The following PUM1 variants were observed in gnomAD, a reference collection of about 807,000 sequenced individuals.
PUM1 encodes the protein pumilio homolog 1.
In PUM1, 13 loss-of-function variants were observed where a neutral mutation model predicts 131.8. The observed-to-expected ratio is 0.10, with a 90% confidence interval of 0.06 to 0.16. The LOEUF (loss-of-function observed/expected upper bound fraction) is 0.16. PUM1 is among the 10% of genes least tolerant of loss of function. PUM1 has a pLI of 1.00. For missense variants in PUM1, 961 were observed against 1,512.4 expected (o/e 0.64, Z 6.05); for synonymous variants, 509 against 556.5 (o/e 0.91, Z 1.20).
chr1:31,042,452 T>C (rs1227053267), intron 2 of PUM1, among the ~76,000 whole-genome samples: 2 of 152,170 alleles, frequency 1.3e-5, no homozygotes, highest in Non-Finnish European at 2.9e-5. Context: ...AGATAACTAA[T>C]GCAAAGGACA....
rs1259744782 is a variant in PUM1 at position 30,978,637 on chromosome 1, G to A, written c.1354+1425C>T. Among the ~76,000 whole-genome samples, 3 of 152,316 alleles carry A rather than the reference G, an allele frequency of 2.0e-5. No homozygotes were observed. In the East Asian group the frequency reaches 5.8e-4, roughly 29 times the overall value. ...TAGTCATGATGAACTTGACTTGGAGGGATCTTCCCCCAGTGAATATCTAAA... is the reference window on the plus strand; with the variant it reads ...TAGTCATGATGAACTTGACTTGGAGAGATCTTCCCCCAGTGAATATCTAAA... On this transcript the variant is annotated intron_variant, in intron 9 of 21. Transcript: ENST00000426105.
rs559364177 is a variant in PUM1, at chr1:31,041,414, T to TG, written c.364-12551dup. Among the ~76,000 whole-genome samples the TG allele has an allele frequency of 2.4e-4, 33 of 134,706 alleles. No homozygotes were observed. In the South Asian group the frequency reaches 8.1e-3, roughly 33 times the overall value. 88.4% of individuals were successfully genotyped at this position (134,706 alleles called of 152,430 possible). On this transcript the variant is annotated intron_variant, in intron 2 of 21. Coordinates refer to ENST00000426105, the MANE Select transcript of PUM1 (RefSeq NM_001020658.2). ...TTTTTTTTAAAGAAAAGCTATCCTC[T>TG]GGGGGGCGGGGGGTGTGGGGAAAGG...
At chr1:31,001,753 C>T (rs532232791) in intron 5 of PUM1, among the ~76,000 whole-genome samples, 114 of 152,348 alleles carry the variant, frequency 7.5e-4, no homozygotes, top group African/African-American at 2.6e-3. Flanking sequence ...CACCAGCCCT[C>T]CCCACCAAGG....
chr1:31,005,764 C>G (rs948723467), intron 5 of PUM1, 89 bp downstream of exon 5: 2 of 1,271,876 alleles, frequency 1.6e-6, no homozygotes, highest in Non-Finnish European at 2.2e-6. Context: ...GGAAACTAAA[C>G]AGGCATGTTT....
intron 1 of PUM1, among the ~76,000 whole-genome samples, chr1:31,060,157 T>G (rs2124013139): frequency 6.8e-6 from 1 of 147,602 alleles, no homozygotes; most frequent in South Asian, 2.3e-4. Flanking sequence ...CCCAAAAGCC[T>G]TTTTAAAACT....
At chr1:31,031,863 C>G (rs1643442656) in intron 2 of PUM1, among the ~76,000 whole-genome samples, 1 of 132,380 alleles carries the variant, frequency 7.6e-6, no homozygotes, top group East Asian at 2.2e-4. Context: ...TATGCGCACT[C>G]TCGCTCCCTG....
In PUM1 at chr1:30,937,708, G is replaced by A. The variant is rs535040987; in HGVS notation, c.3243-873C>T. 2.0e-5 allele frequency among the ~76,000 whole-genome samples: 3 copies of A among 152,222 alleles called. No individual in the cohort carries two copies. In the East Asian group the frequency reaches 5.8e-4, roughly 29 times the overall value. On this transcript the variant is annotated intron_variant, in intron 20 of 21. Transcript: ENST00000426105. The stretch of plus-strand genomic sequence containing the variant: ...AGATGACAGAAGAGTCAATGAACTT[G>A]AAAATAGATCAATAGAAGTAAACAA...
chr1:31,010,442 C>CA, intron 3 of PUM1, among the ~76,000 whole-genome samples: 1 of 152,116 alleles, frequency 6.6e-6, no homozygotes, highest in South Asian at 2.1e-4. Flanking sequence ...CTTGCTTGTC[C>CA]TCTTCTATCT....
Position 31,005,836 on chromosome 1 carries a change from T to C in PUM1, c.720+17A>G. 1 of 1,564,246 alleles carries C rather than the reference T, an allele frequency of 6.4e-7. No individual in the cohort carries two copies. The highest frequency in any genetic ancestry group is 8.6e-7 in the Non-Finnish European group (1 of 1,156,804). ...GAGAGAGAGAGAGATAGGAACAAGT[T>C]CCTCAAGCCAACTTACAAATCCTCC... On this transcript the variant is annotated intron_variant, in intron 5 of 21. Transcript: ENST00000426105.
chr1:30,958,356 T>C (rs540821641), intron 14 of PUM1, among the ~76,000 whole-genome samples: 24 of 152,360 alleles, frequency 1.6e-4, no homozygotes, highest in Non-Finnish European at 3.2e-4. Context: ...TTATGAACTT[T>C]TGAGCTCATT....
intron 7 of PUM1, among the ~76,000 whole-genome samples, chr1:30,989,070 A>T (rs1641674918): frequency 6.6e-6 from 1 of 152,192 alleles, no homozygotes; most frequent in Non-Finnish European, 1.5e-5. Context: ...CCTGCTTTAA[A>T]GTGTCTTCTC....
chr1:31,016,963 C>T (rs1642841306), intron 3 of PUM1, among the ~76,000 whole-genome samples: 1 of 152,156 alleles, frequency 6.6e-6, no homozygotes, highest in African/African-American at 2.4e-5. Flanking sequence ...CTTTAAATAA[C>T]ACTTCCTCCA....
At chr1:31,062,619 CAAA>C (rs9331237) in intron 1 of PUM1, among the ~76,000 whole-genome samples, 58 of 117,188 alleles carry the variant, frequency 4.9e-4, no homozygotes, top group Admixed American at 7.3e-4. Context: ...GACTCCATCT[CAAA>C]AAAAAAAAAA....
intron 14 of PUM1, among the ~76,000 whole-genome samples, chr1:30,961,301 G>A (rs750011121): frequency 4.6e-5 from 7 of 151,014 alleles, no homozygotes; most frequent in South Asian, 2.1e-4. Context: ...CTGGAGGCCC[G>A]GAGTTCGAGA....
rs1237754371 is a variant in PUM1, at chr1:31,065,497, G to A, written c.-12+119C>T. The A allele has an allele frequency of 7.3e-6, 9 of 1,233,666 alleles. No homozygotes were observed. The Admixed American group carries it at 1.1e-4, about 16-fold the overall frequency. The allele number at this position is 1,233,666 out of a possible 1,614,324, so 76.4% of individuals were successfully genotyped here. ...GTGAGAAGCCTCAGCCAGGGCCCCG[G>A]CGGCTTTTCCAAAGCCCTTCTCACC... On this transcript the variant is annotated intron_variant, in intron 1 of 21. Transcript: ENST00000426105.
intron 5 of PUM1, among the ~76,000 whole-genome samples, chr1:30,997,737 C>T (rs1642035066): frequency 6.6e-6 from 1 of 152,056 alleles, no homozygotes; most frequent in African/African-American, 2.4e-5. Context: ...CGGAATCTTG[C>T]TCTGTTGCCC....
chr1:30,981,680 T>TCACACACA (rs5773330), intron 7 of PUM1, among the ~76,000 whole-genome samples: 28 of 150,966 alleles, frequency 1.9e-4, no homozygotes, highest in South Asian at 1.3e-3. Flanking sequence ...ACACACTCTC[T>TCACACACA]CACACACACA....
intron 3 of PUM1, among the ~76,000 whole-genome samples, chr1:31,024,221 T>C (rs887983991): frequency 2.0e-5 from 3 of 151,998 alleles, no homozygotes; most frequent in African/African-American, 7.3e-5. Flanking sequence ...GGCGTCAGAG[T>C]TCTGGCCCAA....
chr1:31,018,677 A>G (rs1334329737), intron 3 of PUM1, among the ~76,000 whole-genome samples: 3 of 152,162 alleles, frequency 2.0e-5, no homozygotes, highest in Non-Finnish European at 4.4e-5. Flanking sequence ...AAATAAAGTA[A>G]AACAAAATAA....
Sources: gnomAD v4.1 joint callset for allele counts (sites outside exome capture counted in the v4.1 genomes callset) on GRCh38, gnomAD v4.1.1 for gene constraint, MANE v1.5 for transcripts, NCBI Gene and HGNC (gene_info 2026-07-23, HGNC 2026-07-21) for gene names.